The following KRT35 variants were observed in gnomAD, a reference collection of about 807,000 sequenced individuals.
KRT35 encodes keratin 35.
Under a neutral mutation model 42.2 loss-of-function variants are expected in KRT35, and 33 were observed. The observed-to-expected ratio is 0.78, with a 90% CI of 0.59 to 1.05. The LOEUF (loss-of-function observed/expected upper bound fraction) is 1.05. Among genes scored for constraint, KRT35 ranks in the 50% least tolerant of loss-of-function variants. KRT35 has a pLI of 0.00. For missense variants in KRT35, 585 were observed against 589.2 expected, an observed-to-expected ratio of 0.99 and a Z score of 0.07; for synonymous variants, 218 against 238.2, an observed-to-expected ratio of 0.92 and a Z score of 0.78.
At position 41,479,796 on chromosome 17, in the gene KRT35, A is replaced by T; in HGVS notation, c.472-15T>A. The T allele has an allele frequency of 6.2e-7, 1 of 1,601,246 alleles. No individual in the cohort carries two copies. The highest frequency in any genetic ancestry group is 1.3e-5 in the African/African-American group (1 of 74,780). ...CTGCATAGAGTCTGGAGATATGAAG[A>T]AGTTATTTCATTGCAAGAAAGGACA... On this transcript the variant is annotated splice_polypyrimidine_tract_variant and intron_variant, in intron 1 of 6. Transcript: ENST00000246639.
Position 41,479,494 on chromosome 17 carries a change from C to T in KRT35, c.564G>A (p.Thr188=), listed in dbSNP as rs551988601. ...CCACCAGCTGCCGCAGGGACACCTC[C>T]GTCTCATACCTGCAGGCATAGAACA... is the stretch of plus-strand genomic sequence containing the variant. ...AADDFRTKYE[T]EVSLRQLVES... The change falls in exon 3 of 7, where the codon ACG becomes ACA. Residue 188 remains threonine, a synonymous_variant. Transcript: ENST00000246639. 3.0e-5 allele frequency: 49 copies of T among 1,613,818 alleles called. 1 individual carries two copies. Among genetic ancestry groups the T allele is most frequent in the Non-Finnish European group, 3.6e-5 (42 of 1,179,790 alleles).
intron 2 of KRT35, 48 bp from the exon 3 acceptor site, chr17:41,479,551 C>T (rs1555562653): frequency 1.3e-6 from 2 of 1,598,530 alleles, no homozygotes; most frequent in Admixed American, 1.7e-5. Context: ...CTTTTTGCAT[C>T]TAAGTCAGGC....
Position 41,479,403 on chromosome 17 carries a change from C to T in KRT35, c.655G>A (p.Ala219Thr), listed in dbSNP as rs1473612130. 5.0e-6 allele frequency: 8 copies of T among 1,614,036 alleles called. No individual in the cohort carries two copies. In the Admixed American group the frequency reaches 1.3e-4, roughly 27 times the overall value. ...TCCTCCTTCAGGGACTCCACCTGGG[C>T]CTCCAGGTCAGACTTGCACAGGGTC... The part of the protein sequence containing the change: ...DLTLCKSDLE[A>T]QVESLKEELL... The change falls in exon 3 of 7, where the codon GCC becomes ACC. Residue 219 changes from alanine to threonine, a missense_variant. Transcript: ENST00000246639.
intron 3 of KRT35, 113 bp from the exon 4 acceptor site, chr17:41,479,108 C>T: frequency 8.7e-7 from 1 of 1,152,180 alleles, no homozygotes; most frequent in Non-Finnish European, 1.2e-6. Flanking sequence ...TCACCTCCTC[C>T]CCATGCTCAT....
rs773449294 is a variant in KRT35, at chr17:41,479,704, C to T, written c.549G>A (p.Arg183=). 1.2e-6 allele frequency: 2 copies of T among 1,613,788 alleles called. No homozygotes were observed. The highest frequency in any genetic ancestry group is 1.3e-5 in the African/African-American group (1 of 74,918). Reference sequence around the variant, plus strand: ...TGACAAGCAGGACAACTCACTTGGTCCTGAAGTCATCTGCAGCCAATTTGG... The same window carrying T: ...TGACAAGCAGGACAACTCACTTGGTTCTGAAGTCATCTGCAGCCAATTTGG... The part of the protein sequence containing the change: ...DNAKLAADDF[R]TKYETEVSLR... The change falls in exon 2 of 7, where the codon AGG becomes AGA. Residue 183 remains arginine, a synonymous_variant. Coordinates refer to ENST00000246639, the MANE Select transcript of KRT35 (RefSeq NM_002280.6).
In KRT35 at chr17:41,479,805, C is replaced by T. The variant is rs1457500319; in HGVS notation, c.472-24G>A. 5.0e-6 allele frequency: 8 copies of T among 1,590,134 alleles called. No individual in the cohort carries two copies. The East Asian group carries it at 1.6e-4, about 31-fold the overall frequency. ...GTCTGGAGATATGAAGAAGTTATTT[C>T]ATTGCAAGAAAGGACATTCCACTTG... is the stretch of plus-strand genomic sequence containing the variant. On this transcript the variant is annotated intron_variant, in intron 1 of 6. Transcript: ENST00000246639.
rs765925126 is a variant in KRT35, at chr17:41,477,114, G to C, written c.1310C>G (p.Ala437Gly). The change falls in exon 7 of 7, where the codon GCC (alanine) becomes GGC (glycine). Residue 437 changes from alanine (A) to glycine (G), a missense_variant. Coordinates refer to ENST00000246639, the MANE Select transcript of KRT35 (RefSeq NM_002280.6). ...LPAASCGPSA[A>G]RTNCSPRPIC... Reference sequence around the variant, plus strand: ...GGGGCGGGGGCTGCAGTTTGTGCGGGCTGCACTAGGACCGCAGGAGGCCGC... The same window carrying C: ...GGGGCGGGGGCTGCAGTTTGTGCGGCCTGCACTAGGACCGCAGGAGGCCGC... 6.2e-7 allele frequency: 1 copy of C among 1,610,482 alleles called. No individual in the cohort carries two copies. Among genetic ancestry groups the C allele is most frequent in the Admixed American group, 1.7e-5 (1 of 59,194 alleles).
rs1198890085 is a variant in KRT35 at position 41,479,523 on chromosome 17, C to T, written c.555-20G>A. ...TCATACCTGCAGGCATAGAACAGGG[C>T]ACCTGAGTCTGCATTTCCTTTTTGC... On this transcript the variant is annotated intron_variant, in intron 2 of 6. Coordinates refer to ENST00000246639, the MANE Select transcript of KRT35 (RefSeq NM_002280.6). The T allele has an allele frequency of 6.2e-7, 1 of 1,609,072 alleles. No individual in the cohort carries two copies. The highest frequency in any genetic ancestry group is 8.5e-7 in the Non-Finnish European group (1 of 1,176,428).
At chr17:41,479,088 C>T (rs2301352) in intron 3 of KRT35, 93 bp from the exon 4 acceptor site, 236,460 of 1,289,576 alleles carry the variant, frequency 0.18, 23,149 homozygotes, top group East Asian at 0.23. Flanking sequence ...ATGCTCACCC[C>T]TCCTAATGCT....
At position 41,476,891 on chromosome 17, in the gene KRT35, G is replaced by T; in HGVS notation, c.*165C>A. The T allele has an allele frequency of 1.6e-6, 1 of 640,920 alleles. No homozygotes were observed. Among genetic ancestry groups the T allele is most frequent in the Non-Finnish European group, 2.5e-6 (1 of 393,624 alleles). The allele number at this position is 640,920 out of a possible 1,614,324, so 39.7% of individuals were successfully genotyped here. A position where few individuals can be genotyped will look rare whatever the true frequency, so the allele number is the denominator to read the frequency against. ...TGGGGGCAGCCGGCCTTTGTGACAG[G>T]CTCTGAGAAACTTTAGGGCATGTAT... On this transcript the variant is annotated 3_prime_UTR_variant, in exon 7 of 7. Transcript: ENST00000246639.
In KRT35 at chr17:41,478,879, C is replaced by G. The variant is rs1407908535; in HGVS notation, c.828G>C (p.Leu276=). 1.2e-6 allele frequency: 2 copies of G among 1,613,914 alleles called. No homozygotes were observed. The highest frequency in any genetic ancestry group is 2.7e-5 in the African/African-American group (2 of 74,870). ...CAGCATCCCGGCGGTTATTCTCCACCAGGGTTTCATACTGGCACCTCATCT... is the reference window on the plus strand; with the variant it reads ...CAGCATCCCGGCGGTTATTCTCCACGAGGGTTTCATACTGGCACCTCATCT... The part of the protein sequence containing the change: ...LEEMRCQYET[L]VENNRRDAED... Residue 276 remains leucine (L), a synonymous_variant, in exon 4 of 7, where the codon CTG becomes CTC. Coordinates refer to ENST00000246639, the MANE Select transcript of KRT35 (RefSeq NM_002280.6).
chr17:41,477,300 A>C, intron 6 of KRT35, 97 bp from the exon 7 acceptor site: 1 of 1,443,528 alleles, frequency 6.9e-7, no homozygotes, highest in Non-Finnish European at 9.5e-7. Flanking sequence ...GCACCCTAAA[A>C]ACCACCTTGA....
chr17:41,477,017 C>G lies in KRT35; in HGVS notation c.*39G>C, dbSNP rs772215595. The G allele has an allele frequency of 6.6e-7, 1 of 1,524,604 alleles. No homozygotes were observed. 94.4% of individuals were successfully genotyped at this position (1,524,604 alleles called of 1,614,324 possible). On this transcript the variant is annotated 3_prime_UTR_variant, in exon 7 of 7. Coordinates refer to ENST00000246639, the MANE Select transcript of KRT35 (RefSeq NM_002280.6). ...GTTTGGGTAGAGGCCAAGTTCAAGC[C>G]CTGGAGACAATAGCCATGGCCATCT...
In KRT35 at chr17:41,476,892, C is replaced by T. The variant is rs2019178110; in HGVS notation, c.*164G>A. 4.6e-6 allele frequency: 3 copies of T among 645,174 alleles called. No homozygotes were observed. Among genetic ancestry groups the T allele is most frequent in the East Asian group, 5.9e-5 (2 of 33,804 alleles). The allele number at this position is 645,174 out of a possible 1,614,324, so 40.0% of individuals were successfully genotyped here. ...GGGGGCAGCCGGCCTTTGTGACAGGCTCTGAGAAACTTTAGGGCATGTATT... is the reference window on the plus strand; with the variant it reads ...GGGGGCAGCCGGCCTTTGTGACAGGTTCTGAGAAACTTTAGGGCATGTATT... On this transcript the variant is annotated 3_prime_UTR_variant, in exon 7 of 7. Transcript: ENST00000246639.
At chr17:41,477,980 A>C (rs1352768417) in intron 5 of KRT35, among the ~76,000 whole-genome samples, 1 of 152,216 alleles carries the variant, frequency 6.6e-6, no homozygotes, top group East Asian at 1.9e-4. Flanking sequence ...GGAGAATCAG[A>C]GTTTGAGCTA....
Position 41,478,544 on chromosome 17 carries a change from C to G in KRT35, c.874-58G>C. The G allele has an allele frequency of 1.9e-6, 3 of 1,579,294 alleles. No homozygotes were observed. In the South Asian group the frequency reaches 3.4e-5, roughly 18 times the overall value. On this transcript the variant is annotated intron_variant, in intron 4 of 6. Coordinates refer to ENST00000246639, the MANE Select transcript of KRT35 (RefSeq NM_002280.6). ...ACACCAGGGACTTGGCTTCAGAGAG[C>G]TACAGAGGCCGGTTAGAATCATGAG...
chr17:41,477,610 C>T lies in KRT35; in HGVS notation c.1128G>A (p.Gln376=), dbSNP rs1051058412. 3 of 1,614,264 alleles carry T rather than the reference C, an allele frequency of 1.9e-6. No individual in the cohort carries two copies. The highest frequency in any genetic ancestry group is 2.5e-6 in the Non-Finnish European group (3 of 1,180,052). Residue 376 remains glutamine, a synonymous_variant, in exon 6 of 7, where the codon CAG becomes CAA. Transcript: ENST00000246639. ...LAEIRADLER[Q]NQEYQVLLDV... ...CCAGCAGCACCTGGTACTCCTGGTTCTGCCGCTCCAGGTCAGCCCGGATCT... is the reference window on the plus strand; with the variant it reads ...CCAGCAGCACCTGGTACTCCTGGTTTTGCCGCTCCAGGTCAGCCCGGATCT...
intron 5 of KRT35, 63 bp from the exon 6 acceptor site, chr17:41,477,801 G>T: frequency 6.6e-7 from 1 of 1,524,092 alleles, no homozygotes; most frequent in Non-Finnish European, 8.9e-7. Flanking sequence ...AGCAAGGAAG[G>T]AATCTTCCTT....
chr17:41,480,598 G>A lies in KRT35; in HGVS notation c.471+29C>T, dbSNP rs775852002. On this transcript the variant is annotated intron_variant, in intron 1 of 6. Coordinates refer to ENST00000246639, the MANE Select transcript of KRT35 (RefSeq NM_002280.6). ...GAATGCTGGTGACACAAAGTTCCTG[G>A]GAATCCAAAGCCACTCTGAACCTCT... The A allele has an allele frequency of 4.5e-6, 7 of 1,559,742 alleles. No individual in the cohort carries two copies. The South Asian group carries it at 7.8e-5, about 17-fold the overall frequency.
Sources: gnomAD v4.1 joint callset for allele counts (sites outside exome capture counted in the v4.1 genomes callset) on GRCh38, gnomAD v4.1.1 for gene constraint, MANE v1.5 for transcripts, NCBI Gene and HGNC (gene_info 2026-07-23, HGNC 2026-07-21) for gene names.